Variants in CACNA1H observed in about 807,000 individuals in gnomAD.
CACNA1H encodes voltage-dependent T-type calcium channel subunit alpha-1H.
A neutral mutation model predicts 192.5 loss-of-function variants in CACNA1H; 149 were observed. The observed-to-expected ratio is 0.77, with a 90% CI of 0.68 to 0.89. The LOEUF (loss-of-function observed/expected upper bound fraction) is 0.89, where lower values mean the gene tolerates loss of function less well. Ranked by LOEUF, CACNA1H falls within the 40% of genes least tolerant of loss-of-function variation. CACNA1H has a pLI of 0.00. For missense variants in CACNA1H, 4,257 were observed against 3,423.5 expected, an observed-to-expected ratio of 1.24 and a Z score of -6.08; for synonymous variants, 2,202 against 1,475.2, an observed-to-expected ratio of 1.49 and a Z score of -11.29.
In CACNA1H at chr16:1,220,754, G is replaced by A. The variant is rs770576237; in HGVS notation, c.6822G>A (p.Gly2274=). The A allele has an allele frequency of 4.3e-6, 7 of 1,612,552 alleles. No individual in the cohort carries two copies. Among genetic ancestry groups the A allele is most frequent in the Non-Finnish European group, 5.9e-6 (7 of 1,179,758 alleles). ...PSFAFEPLDL[G]VPSGDPFLDG... ...TTGCCTTTGAGCCGCTGGACCTCGG[G>A]GTCCCCAGTGGAGACCCTTTCTTGG... is the stretch of plus-strand genomic sequence containing the variant. The change falls in exon 35 of 35, where the codon GGG becomes GGA. Residue 2274 remains glycine (G), a synonymous_variant. Coordinates refer to ENST00000348261, the MANE Select transcript of CACNA1H (RefSeq NM_021098.3).
At chr16:1,175,716 G>C (rs1306268668) in intron 2 of CACNA1H, among the ~76,000 whole-genome samples, 1 of 152,216 alleles carries the variant, frequency 6.6e-6, no homozygotes, top group Non-Finnish European at 1.5e-5. Flanking sequence ...CTCCTTCCTA[G>C]AGGAAGATCC....
chr16:1,210,333 G>GCCCCCCCCCCCCCCCCCCCCCCC, intron 18 of CACNA1H, 37 bp from the exon 19 acceptor site: 10 of 1,320,230 alleles, frequency 7.6e-6, no homozygotes, highest in South Asian at 2.6e-5. Flanking sequence ...CATCCACGCC[G>GCCCCCCCCCCCCCCCCCCCCCCC]CCCCGCCCCA....
chr16:1,188,101 A>G (rs1966247688), intron 2 of CACNA1H, among the ~76,000 whole-genome samples: 1 of 152,214 alleles, frequency 6.6e-6, no homozygotes, highest in Admixed American at 6.5e-5. Flanking sequence ...AGGGGGAGGC[A>G]CAGGTGGAGG....
chr16:1,199,960 A>G (rs992193667), intron 6 of CACNA1H, among the ~76,000 whole-genome samples: 2 of 147,678 alleles, frequency 1.4e-5, no homozygotes, highest in African/African-American at 4.9e-5. Flanking sequence ...TTCTCTGTCC[A>G]TCCCTGTTCT....
Position 1,217,917 on chromosome 16 carries a change from A to G in CACNA1H, c.5324-2A>G. ...GACCGGGCGGGGTCTCCCTCCCCGC[A>G]GAGTGCAGTGAAGACAACCCCTGCG... On this transcript the variant is annotated splice_acceptor_variant, in intron 31 of 34. Coordinates refer to ENST00000348261, the MANE Select transcript of CACNA1H (RefSeq NM_021098.3). LOFTEE classifies it high-confidence loss of function. The G allele has an allele frequency of 6.2e-7, 1 of 1,600,238 alleles. No homozygotes were observed. Among genetic ancestry groups the G allele is most frequent in the Non-Finnish European group, 8.5e-7 (1 of 1,174,256 alleles).
chr16:1,215,196 C>T (rs758931709), intron 28 of CACNA1H, 46 bp from the exon 29 acceptor site: 10 of 1,583,986 alleles, frequency 6.3e-6, no homozygotes, highest in South Asian at 2.3e-5. Context: ...GCTGCTGAGC[C>T]GAGGCGGGGA....
intron 16 of CACNA1H, among the ~76,000 whole-genome samples, chr16:1,208,460 G>C (rs1190330785): frequency 6.6e-6 from 1 of 152,188 alleles, no homozygotes; most frequent in Non-Finnish European, 1.5e-5. Flanking sequence ...GTCTAGCAGA[G>C]TGCACAGCGC....
intron 2 of CACNA1H, among the ~76,000 whole-genome samples, chr16:1,186,009 C>T (rs1966003528): frequency 8.7e-6 from 1 of 114,974 alleles, no homozygotes; most frequent in Non-Finnish European, 1.7e-5. Flanking sequence ...GAGTAGACGG[C>T]GTGCGTAGGG....
rs1555512963 is a variant in CACNA1H, at chr16:1,204,129, G to C, written c.2122G>C (p.Glu708Gln). ...KSCPYCTRAL[E>Q]DPEGELSGSE... ...CTGCCCGTACTGCACCCGTGCCCTG[G>C]AGGACCCGGAGGGTGAGCTCAGCGG... Residue 708 changes from glutamate (E) to glutamine (Q), a missense_variant, in exon 10 of 35, where the codon GAG becomes CAG. Glu to Gln is a conservative substitution (Grantham distance 29). Transcript: ENST00000348261. The C allele has an allele frequency of 6.2e-7, 1 of 1,612,224 alleles. No individual in the cohort carries two copies. Among genetic ancestry groups the C allele is most frequent in the South Asian group, 1.1e-5 (1 of 91,024 alleles).
intron 9 of CACNA1H, among the ~76,000 whole-genome samples, chr16:1,202,778 A>G (rs191771865): frequency 1.9e-4 from 29 of 152,050 alleles, no homozygotes; most frequent in Admixed American, 7.8e-4. Flanking sequence ...GAGGGACCGT[A>G]TGCTTGTGTC....
rs752254877 is a variant in CACNA1H, at chr16:1,204,288, C to T, written c.2281C>T (p.Arg761Trp). The T allele has an allele frequency of 1.1e-5, 18 of 1,602,210 alleles. No homozygotes were observed. The highest frequency in any genetic ancestry group is 7.7e-5 in the South Asian group (7 of 90,368). ...AGGCCCAGGCCCAGGCAGCCCCCAG[C>T]GGCGGGCACAGCAGAGGGCAGCCCC... Reference protein sequence around the residue: ...TPGPGPGSPQRRAQQRAAPGE... With the variant: ...TPGPGPGSPQWRAQQRAAPGE... Residue 761 changes from arginine to tryptophan, a missense_variant, in exon 10 of 35, where the codon CGG becomes TGG. By Grantham distance (101) the Arg-to-Trp change is moderately radical. Coordinates refer to ENST00000348261, the MANE Select transcript of CACNA1H (RefSeq NM_021098.3).
At chr16:1,217,279 G>A (rs926808574) in intron 31 of CACNA1H, among the ~76,000 whole-genome samples, 4 of 152,228 alleles carry the variant, frequency 2.6e-5, no homozygotes, top group Non-Finnish European at 4.4e-5. Context: ...CCTGCCACAC[G>A]TGAGGGGAAG....
chr16:1,183,969 T>C (rs941480694), intron 2 of CACNA1H, among the ~76,000 whole-genome samples: 3 of 152,360 alleles, frequency 2.0e-5, no homozygotes, highest in Middle Eastern at 3.4e-3. Context: ...GGAAGGTGCG[T>C]CTGCCTCGGC....
intron 2 of CACNA1H, among the ~76,000 whole-genome samples, chr16:1,184,990 C>T (rs11860181): frequency 1.3e-5 from 2 of 152,166 alleles, no homozygotes; most frequent in African/African-American, 2.4e-5. Flanking sequence ...CTGCCTAGTT[C>T]TGGAATGTTT....
chr16:1,200,526 C>T lies in CACNA1H; in HGVS notation c.1074C>T (p.Ala358=), dbSNP rs531691647. The change falls in exon 7 of 35, where the codon GCC becomes GCT. Residue 358 remains alanine, a synonymous_variant. Coordinates refer to ENST00000348261, the MANE Select transcript of CACNA1H (RefSeq NM_021098.3). ...GTGACTCCAACCCCCACAACGGTGC[C>T]ATCAACTTCGACAACATCGGCTACG... ...RSGDSNPHNG[A]INFDNIGYAW... 79 of 1,612,362 alleles carry T rather than the reference C, an allele frequency of 4.9e-5. No homozygotes were observed. The South Asian group carries it at 6.9e-4, about 14-fold the overall frequency.
chr16:1,159,037 T>C (rs999761860), intron 2 of CACNA1H, among the ~76,000 whole-genome samples: 81 of 152,252 alleles, frequency 5.3e-4, no homozygotes, highest in African/African-American at 1.9e-3. Context: ...AGGGCCCCTG[T>C]TCGCCTGCCT....
chr16:1,202,092 A>G lies in CACNA1H; in HGVS notation c.1642A>G (p.Thr548Ala). 1.3e-6 allele frequency: 2 copies of G among 1,543,724 alleles called. No individual in the cohort carries two copies. Among genetic ancestry groups the G allele is most frequent in the Non-Finnish European group, 1.7e-6 (2 of 1,145,374 alleles). The change falls in exon 9 of 35, where the codon ACC (threonine) becomes GCC (alanine). Residue 548 changes from threonine to alanine, a missense_variant. By Grantham distance (58) the Thr-to-Ala change is moderately conservative. Transcript: ENST00000348261. ...CGGCCCCGAGCCAGGCGCCTGCGACACCAGGCTGGTCCGAGCTGGCGCGCC... is the reference window on the plus strand; with the variant it reads ...CGGCCCCGAGCCAGGCGCCTGCGACGCCAGGCTGGTCCGAGCTGGCGCGCC... ...RPGPEPGACD[T>A]RLVRAGAPPS... is the part of the protein sequence containing the mutation.
rs573446305 is a variant in CACNA1H at position 1,181,137 on chromosome 16, A to T, written c.300-13835A>T. Among the ~76,000 whole-genome samples, 5 of 152,356 alleles carry T rather than the reference A, an allele frequency of 3.3e-5. No homozygotes were observed. In the South Asian group the frequency reaches 8.3e-4, roughly 25 times the overall value. On this transcript the variant is annotated intron_variant, in intron 2 of 34. Transcript: ENST00000348261. ...GGCCCCACAGGCCCGTCCCAGGGGC[A>T]GGCGGCCGTCTTCCCCAAGGTCCCC...
intron 11 of CACNA1H, 148 bp downstream of exon 11, chr16:1,205,413 C>T: frequency 1.2e-6 from 1 of 867,638 alleles, no homozygotes; most frequent in Non-Finnish European, 1.7e-6. Context: ...TGCTTGGTGA[C>T]CCCAGTGGCC....
Sources: gnomAD v4.1 joint callset for allele counts (sites outside exome capture counted in the v4.1 genomes callset) on GRCh38, gnomAD v4.1.1 for gene constraint, MANE v1.5 for transcripts, NCBI Gene and HGNC (gene_info 2026-07-23, HGNC 2026-07-21) for gene names.